The following PPP3R1 variants were observed in gnomAD, a reference collection of about 807,000 sequenced individuals.
PPP3R1 encodes calcineurin subunit B type 1.
PPP3R1 carries 5 observed loss-of-function variants against 22.6 expected under a neutral mutation model. The observed-to-expected ratio is 0.22, with a 90% CI of 0.12 to 0.46. The LOEUF is 0.46. Among genes scored for constraint, PPP3R1 ranks in the 20% least tolerant of loss-of-function variants. The pLI is 0.99. For synonymous variants in PPP3R1, 56 were observed against 65.2 expected, an observed-to-expected ratio of 0.86 and a Z score of 0.68; for missense variants, 61 against 203.2, an observed-to-expected ratio of 0.30 and a Z score of 4.25.
At chr2:68,186,305 G>GTTAA (rs140773) in intron 5 of PPP3R1, among the ~76,000 whole-genome samples, 163 bp downstream of exon 5, 112,957 of 151,726 alleles carry the variant, frequency 0.74, 43,096 homozygotes, top group African/African-American at 0.93. Context: ...AATAATAATT[G>GTTAA]TTAATAATTA....
intron 2 of PPP3R1, among the ~76,000 whole-genome samples, chr2:68,211,743 T>A (rs2103763430): frequency 6.6e-6 from 1 of 152,350 alleles, no homozygotes; most frequent in Non-Finnish European, 1.5e-5. Context: ...TTCTTTGTTG[T>A]CATTTCAGTA....
intron 1 of PPP3R1, among the ~76,000 whole-genome samples, chr2:68,244,177 G>C (rs187913919): frequency 6.6e-6 from 1 of 152,116 alleles, no homozygotes; most frequent in Admixed American, 6.5e-5. Context: ...TTGATCAGAA[G>C]AACAAATCTG....
At position 68,198,421 on chromosome 2, in the gene PPP3R1, A is replaced by G. The variant is rs551430127; in HGVS notation, c.44-9731T>C. On this transcript the variant is annotated intron_variant, in intron 2 of 5. Transcript: ENST00000234310. ...TATATATGTGTATGTATATGCATAT[A>G]TACGTATATATGCGTGTGTATATAT... Among the ~76,000 whole-genome samples, 3 of 147,632 alleles carry G rather than the reference A, an allele frequency of 2.0e-5. No individual in the cohort carries two copies. The East Asian group carries it at 5.9e-4, about 29-fold the overall frequency.
intron 2 of PPP3R1, among the ~76,000 whole-genome samples, chr2:68,205,459 G>A (rs1307540903): frequency 6.6e-6 from 1 of 151,956 alleles, no homozygotes; most frequent in Admixed American, 6.6e-5. Flanking sequence ...AGTCAGGCTG[G>A]TCTCGAACTC....
In PPP3R1 at chr2:68,202,965, G is replaced by T. The variant is rs549125356; in HGVS notation, c.43+14127C>A. On this transcript the variant is annotated intron_variant, in intron 2 of 5. Coordinates refer to ENST00000234310, the MANE Select transcript of PPP3R1 (RefSeq NM_000945.4). Reference sequence around the variant, plus strand: ...CTACAGGCACCCACCACCATACCCGGCTAATTTGAATCCAGGGATTATTAA... The same window carrying T: ...CTACAGGCACCCACCACCATACCCGTCTAATTTGAATCCAGGGATTATTAA... 2.7e-4 allele frequency among the ~76,000 whole-genome samples: 41 copies of T among 151,980 alleles called. 1 individual carries two copies. The highest frequency in any genetic ancestry group is 1.7e-3 in the Admixed American group (26 of 15,280).
At chr2:68,191,161 G>A (rs13385252) in intron 2 of PPP3R1, among the ~76,000 whole-genome samples, 3,876 of 152,172 alleles carry the variant, frequency 0.025, 148 homozygotes, top group African/African-American at 0.085. Context: ...GTCACTTAAC[G>A]ATGGGGTTAC....
At chr2:68,231,251 A>G (rs940588835) in intron 1 of PPP3R1, among the ~76,000 whole-genome samples, 2 of 151,458 alleles carry the variant, frequency 1.3e-5, no homozygotes, top group African/African-American at 2.4e-5. Context: ...AGTCTGGTCT[A>G]TTTGCTATTA....
At chr2:68,183,741 C>T (rs1243975378) in intron 5 of PPP3R1, among the ~76,000 whole-genome samples, 1 of 152,078 alleles carries the variant, frequency 6.6e-6, no homozygotes, top group East Asian at 1.9e-4. Context: ...TTGTTTTGAA[C>T]TTATTTTTTT....
chr2:68,209,763 G>A (rs547770229), intron 2 of PPP3R1, among the ~76,000 whole-genome samples: 20 of 152,048 alleles, frequency 1.3e-4, no homozygotes, highest in Admixed American at 3.9e-4. Context: ...GCCTCCCTCT[G>A]TCGAGTTTTA....
chr2:68,228,051 ACT>A (rs1669820450), intron 1 of PPP3R1, among the ~76,000 whole-genome samples: 1 of 152,306 alleles, frequency 6.6e-6, no homozygotes, highest in South Asian at 2.1e-4. Context: ...CAGAGAAAGT[ACT>A]GTCTTTTGCC....
At chr2:68,230,312 T>C (rs928527327) in intron 1 of PPP3R1, among the ~76,000 whole-genome samples, 2 of 152,136 alleles carry the variant, frequency 1.3e-5, no homozygotes, top group East Asian at 3.9e-4. Context: ...GTTTTCTTTA[T>C]CCTGTCTCCT....
intron 2 of PPP3R1, among the ~76,000 whole-genome samples, chr2:68,207,630 T>C (rs547954226): frequency 6.6e-6 from 1 of 152,322 alleles, no homozygotes; most frequent in Non-Finnish European, 1.5e-5. Context: ...TCAAGACTTC[T>C]GTTCTTTGAC....
chr2:68,196,230 TA>T lies in PPP3R1; in HGVS notation c.44-7541del, dbSNP rs1318053773. ...AAGTTTTTCAACATAAAGATTAACT[TA>T]AAAGCTTTACAGTTTTTTATAAAGA... is the stretch of plus-strand genomic sequence containing the variant. On this transcript the variant is annotated intron_variant, in intron 2 of 5. Coordinates refer to ENST00000234310, the MANE Select transcript of PPP3R1 (RefSeq NM_000945.4). Among the ~76,000 whole-genome samples, 7 of 152,338 alleles carry T rather than the reference TA, an allele frequency of 4.6e-5. No individual in the cohort carries two copies. The East Asian group carries it at 1.3e-3, about 29-fold the overall frequency.
intron 2 of PPP3R1, among the ~76,000 whole-genome samples, chr2:68,194,845 T>C (rs1000491209): frequency 2.0e-5 from 3 of 152,146 alleles, no homozygotes; most frequent in Non-Finnish European, 4.4e-5. Context: ...AACAAGACTA[T>C]TGCTTCATCA....
At chr2:68,229,623 C>T (rs1350781430) in intron 1 of PPP3R1, among the ~76,000 whole-genome samples, 1 of 152,028 alleles carries the variant, frequency 6.6e-6, no homozygotes, top group Non-Finnish European at 1.5e-5. Context: ...TTGATTAACC[C>T]TTTTATCATA....
At chr2:68,232,982 T>C (rs1236117553) in intron 1 of PPP3R1, among the ~76,000 whole-genome samples, 1 of 152,212 alleles carries the variant, frequency 6.6e-6, no homozygotes, top group Non-Finnish European at 1.5e-5. Context: ...CTATCTACTA[T>C]AATCTACTAT....
intron 1 of PPP3R1, among the ~76,000 whole-genome samples, chr2:68,245,062 TA>T (rs1670209088): frequency 6.6e-6 from 1 of 152,232 alleles, no homozygotes; most frequent in Admixed American, 6.5e-5. Context: ...AATCAGCTAT[TA>T]CCCTGACTCA....
At chr2:68,205,975 C>T (rs909172795) in intron 2 of PPP3R1, among the ~76,000 whole-genome samples, 13 of 152,196 alleles carry the variant, frequency 8.5e-5, no homozygotes, top group Non-Finnish European at 1.8e-4. Flanking sequence ...TGCGCCACCA[C>T]ACTCGGCTAA....
chr2:68,197,970 A>AT (rs1368505595), intron 2 of PPP3R1, among the ~76,000 whole-genome samples: 2 of 148,274 alleles, frequency 1.3e-5, no homozygotes, highest in Non-Finnish European at 1.5e-5. Flanking sequence ...CCTTTTAAAT[A>AT]TATGATACAT....
Sources: allele counts gnomAD v4.1 joint callset (sites outside exome capture counted in the v4.1 genomes callset), GRCh38; gene constraint gnomAD v4.1.1; transcripts MANE v1.5; gene names NCBI Gene and HGNC (gene_info 2026-07-23, HGNC 2026-07-21).